The following ETFA variants were observed in gnomAD, a reference collection of about 807,000 sequenced individuals.
ETFA encodes electron transfer flavoprotein subunit alpha, mitochondrial.
A neutral mutation model predicts 46.2 loss-of-function variants in ETFA; 22 were observed. The observed-to-expected ratio is 0.48, with a 90% confidence interval of 0.34 to 0.68. ETFA has a LOEUF of 0.68. Ranked by LOEUF, ETFA falls within the 30% of genes least tolerant of loss-of-function variation. The probability of loss-of-function intolerance (pLI) is 0.01; values close to 1 mark genes in which losing one functional copy is unlikely to be tolerated. For synonymous variants in ETFA, 131 were observed against 139.9 expected, an observed-to-expected ratio of 0.94 and a Z score of 0.45; for missense variants, 345 against 401.1, an observed-to-expected ratio of 0.86 and a Z score of 1.19.
intron 1 of ETFA, among the ~76,000 whole-genome samples, chr15:76,299,306 CA>C (rs2039858193): frequency 6.6e-6 from 1 of 152,102 alleles, no homozygotes; most frequent in African/African-American, 2.4e-5. Flanking sequence ...TTTTTGGAAA[CA>C]AAGTCTCCCT....
At chr15:76,274,337 G>A (rs568542164) in intron 9 of ETFA, 75 bp downstream of exon 9, 2 of 1,119,502 alleles carry the variant, frequency 1.8e-6, no homozygotes, top group South Asian at 2.6e-5. Context: ...AAATCACTGA[G>A]ATCACTGTTC....
chr15:76,304,772 C>T (rs952742082), intron 1 of ETFA, among the ~76,000 whole-genome samples: 21 of 151,974 alleles, frequency 1.4e-4, no homozygotes, highest in East Asian at 1.4e-3. Flanking sequence ...CGGCCAGGAG[C>T]GGTGGCTCAC....
At chr15:76,241,190 T>C (rs1306183065) in intron 9 of ETFA, among the ~76,000 whole-genome samples, 1 of 152,182 alleles carries the variant, frequency 6.6e-6, no homozygotes, top group Non-Finnish European at 1.5e-5. Flanking sequence ...CTTTGCATTT[T>C]AGCAGGTCAA....
In ETFA at chr15:76,283,666, G is replaced by C; in HGVS notation, c.733+91C>G. On this transcript the variant is annotated intron_variant, in intron 8 of 11. Transcript: ENST00000557943. Reference sequence around the variant, plus strand: ...ATCCGGAAAAGTAAAATAATTTGTAGGGCTGAAAGACTTACACAAAAATGA... The same window carrying C: ...ATCCGGAAAAGTAAAATAATTTGTACGGCTGAAAGACTTACACAAAAATGA... 4.4e-6 allele frequency: 4 copies of C among 910,188 alleles called. No homozygotes were observed. In the South Asian group the frequency reaches 4.4e-5, roughly 10 times the overall value. 56.4% of individuals were successfully genotyped at this position (910,188 alleles called of 1,614,324 possible).
intron 9 of ETFA, among the ~76,000 whole-genome samples, chr15:76,239,080 G>A (rs1042108950): frequency 3.3e-5 from 5 of 152,102 alleles, no homozygotes; most frequent in African/African-American, 9.7e-5. Context: ...TCTATGTTAC[G>A]CCAGTAACTA....
At chr15:76,290,017 G>A (rs2039743599) in intron 4 of ETFA, among the ~76,000 whole-genome samples, 1 of 152,162 alleles carries the variant, frequency 6.6e-6, no homozygotes, top group Non-Finnish European at 1.5e-5. Flanking sequence ...CTCAGAGACA[G>A]AACGGTCCAC....
chr15:76,284,972 C>A, intron 7 of ETFA: 1 of 343,882 alleles, frequency 2.9e-6, no homozygotes, highest in South Asian at 2.1e-5. Flanking sequence ...AGATATATCA[C>A]TTCAAAATAT....
intron 9 of ETFA, among the ~76,000 whole-genome samples, chr15:76,258,629 C>G (rs2039370603): frequency 6.6e-6 from 1 of 152,212 alleles, no homozygotes; most frequent in Non-Finnish European, 1.5e-5. Context: ...AGGAGCAGCT[C>G]AGCGGGACGG....
intron 9 of ETFA, among the ~76,000 whole-genome samples, chr15:76,254,050 G>C (rs2039326804): frequency 6.6e-6 from 1 of 152,194 alleles, no homozygotes; most frequent in Admixed American, 6.5e-5. Flanking sequence ...GTAAGGGAGG[G>C]AGGCACATTG....
chr15:76,291,315 C>T (rs1419797084), intron 4 of ETFA, among the ~76,000 whole-genome samples: 1 of 151,916 alleles, frequency 6.6e-6, no homozygotes, highest in Non-Finnish European at 1.5e-5. Context: ...TGGTGGCACG[C>T]ACCTATAATC....
At chr15:76,302,440 C>CG (rs1412536230) in intron 1 of ETFA, among the ~76,000 whole-genome samples, 2 of 150,406 alleles carry the variant, frequency 1.3e-5, no homozygotes, top group Non-Finnish European at 2.9e-5. Context: ...ATATGACACT[C>CG]TGTTAAACGC....
At chr15:76,280,991 C>T (rs989892627) in intron 8 of ETFA, among the ~76,000 whole-genome samples, 18 of 145,734 alleles carry the variant, frequency 1.2e-4, no homozygotes, top group African/African-American at 4.5e-4. Context: ...TCTTAGCTCA[C>T]TGCAACCTCC....
At chr15:76,288,919 T>A (rs2039728452) in intron 4 of ETFA, among the ~76,000 whole-genome samples, 1 of 80,902 alleles carries the variant, frequency 1.2e-5, no homozygotes, top group Non-Finnish European at 2.3e-5. Context: ...TTCTTCTTCT[T>A]CTTTTTTTTT....
intron 9 of ETFA, among the ~76,000 whole-genome samples, chr15:76,267,014 T>C (rs924545857): frequency 4.6e-5 from 7 of 152,360 alleles, no homozygotes; most frequent in Admixed American, 2.6e-4. Flanking sequence ...TGCCTACCTA[T>C]ACTATGTCTC....
intron 1 of ETFA, among the ~76,000 whole-genome samples, chr15:76,308,219 T>C (rs558360751): frequency 6.6e-6 from 1 of 152,320 alleles, no homozygotes; most frequent in Non-Finnish European, 1.5e-5. Flanking sequence ...TTTTGCATCA[T>C]AGTAATCATT....
chr15:76,224,977 G>A (rs2038990172), intron 11 of ETFA, among the ~76,000 whole-genome samples: 1 of 151,962 alleles, frequency 6.6e-6, no homozygotes, highest in Non-Finnish European at 1.5e-5. Context: ...CAAGAGAGAA[G>A]GAACACTCAA....
At chr15:76,220,833 T>G (rs1265115019) in intron 11 of ETFA, among the ~76,000 whole-genome samples, 1 of 152,174 alleles carries the variant, frequency 6.6e-6, no homozygotes, top group African/African-American at 2.4e-5. Flanking sequence ...ATAACATACA[T>G]TAATGAGTAT....
At chr15:76,275,408 T>C (rs747021668) in intron 8 of ETFA, among the ~76,000 whole-genome samples, 1 of 152,228 alleles carries the variant, frequency 6.6e-6, no homozygotes, top group Admixed American at 6.5e-5. Context: ...CTGAAATTAA[T>C]ATAGCTACTC....
At chr15:76,218,758 T>A (rs1460602173) in intron 11 of ETFA, among the ~76,000 whole-genome samples, 1 of 152,184 alleles carries the variant, frequency 6.6e-6, no homozygotes, top group East Asian at 1.9e-4. Flanking sequence ...ACTTAAGTTT[T>A]TTTAAAAAAA....
Sources: gnomAD v4.1 joint callset for allele counts (sites outside exome capture counted in the v4.1 genomes callset) on GRCh38, gnomAD v4.1.1 for gene constraint, MANE v1.5 for transcripts, NCBI Gene and HGNC (gene_info 2026-07-23, HGNC 2026-07-21) for gene names.